Variants in PCDH9 observed in about 807,000 individuals in gnomAD.
The protein encoded by PCDH9 is protocadherin-9.
PCDH9 carries 24 observed loss-of-function variants against 70.6 expected under a neutral mutation model. The ratio of observed to expected loss-of-function variants is 0.34; its 90% CI spans 0.25 to 0.48. The LOEUF (loss-of-function observed/expected upper bound fraction) is 0.48, where lower values mean the gene tolerates loss of function less well. PCDH9 is among the 20% of genes least tolerant of loss of function. The pLI is 0.99. For missense variants in PCDH9, 1,281 were observed against 1,503.6 expected, an observed-to-expected ratio of 0.85 and a Z score of 2.45; for synonymous variants, 562 against 558.5, an observed-to-expected ratio of 1.01 and a Z score of -0.09.
intron 4 of PCDH9, among the ~76,000 whole-genome samples, chr13:66,420,059 A>T (rs1462086524): frequency 1.3e-5 from 2 of 152,182 alleles, no homozygotes; most frequent in East Asian, 3.9e-4. Context: ...GCCACAGGGA[A>T]ATTTGGACTG....
chr13:66,428,423 C>A (rs1006628233), intron 4 of PCDH9, among the ~76,000 whole-genome samples: 3 of 151,610 alleles, frequency 2.0e-5, no homozygotes, highest in African/African-American at 7.3e-5. Flanking sequence ...AGATGAAGGT[C>A]TTAGCAAGGG....
intron 2 of PCDH9, among the ~76,000 whole-genome samples, chr13:66,919,964 T>C (rs933434914): frequency 6.6e-6 from 1 of 151,058 alleles, no homozygotes. Context: ...ATGTTTTTTT[T>C]AACATCCTTA....
intron 2 of PCDH9, among the ~76,000 whole-genome samples, chr13:67,020,204 T>C (rs2084648512): frequency 6.6e-6 from 1 of 152,060 alleles, no homozygotes; most frequent in Non-Finnish European, 1.5e-5. Context: ...AAAAGCAAAA[T>C]AAACAACACA....
At chr13:66,852,890 C>T (rs2081337170) in intron 3 of PCDH9, among the ~76,000 whole-genome samples, 1 of 149,554 alleles carries the variant, frequency 6.7e-6, no homozygotes. Flanking sequence ...ATCCACATAT[C>T]TATACATTTT....
At chr13:67,109,806 A>AT (rs1274237082) in intron 2 of PCDH9, among the ~76,000 whole-genome samples, 1 of 152,134 alleles carries the variant, frequency 6.6e-6, no homozygotes, top group Non-Finnish European at 1.5e-5. Flanking sequence ...AGGACAAGCT[A>AT]TTTTTCATCT....
intron 2 of PCDH9, among the ~76,000 whole-genome samples, chr13:67,179,665 T>C (rs1594620290): frequency 6.6e-6 from 1 of 152,098 alleles, no homozygotes; most frequent in Non-Finnish European, 1.5e-5. Flanking sequence ...AAGCTAGCAA[T>C]AAGAGAAGTT....
chr13:66,738,031 C>G (rs2079184826), intron 3 of PCDH9, among the ~76,000 whole-genome samples: 1 of 152,196 alleles, frequency 6.6e-6, no homozygotes, highest in Non-Finnish European at 1.5e-5. Context: ...GTAGCCTCCA[C>G]CTCTGGGGGC....
chr13:66,941,761 C>T (rs1408000205), intron 2 of PCDH9, among the ~76,000 whole-genome samples: 1 of 151,752 alleles, frequency 6.6e-6, no homozygotes, highest in South Asian at 2.1e-4. Flanking sequence ...AACTAATAGA[C>T]CTGCAAATAA....
chr13:67,000,008 T>C (rs1337775203), intron 2 of PCDH9, among the ~76,000 whole-genome samples: 1 of 152,178 alleles, frequency 6.6e-6, no homozygotes, highest in Non-Finnish European at 1.5e-5. Context: ...CTATAAATCA[T>C]GCCGCTATAA....
intron 3 of PCDH9, among the ~76,000 whole-genome samples, chr13:66,788,850 A>G (rs1202783107): frequency 6.6e-6 from 1 of 152,040 alleles, no homozygotes; most frequent in African/African-American, 2.4e-5. Flanking sequence ...CCAGCAACAC[A>G]GGACTCAGGC....
At position 66,870,523 on chromosome 13, in the gene PCDH9, A is replaced by G. The variant is rs1255750056; in HGVS notation, c.3138+32981T>C. 2.6e-5 allele frequency among the ~76,000 whole-genome samples: 4 copies of G among 152,172 alleles called. No individual in the cohort carries two copies. The East Asian group carries it at 7.7e-4, about 29-fold the overall frequency. On this transcript the variant is annotated intron_variant, in intron 3 of 4. Transcript: ENST00000377865. ...GGCTAATATCCAGAATCTACAGTGA[A>G]CTCAAACAAATTTACAAGAAAAAAA...
chr13:66,504,080 C>G (rs1387292901), intron 4 of PCDH9, among the ~76,000 whole-genome samples: 1 of 152,146 alleles, frequency 6.6e-6, no homozygotes, highest in East Asian at 1.9e-4. Flanking sequence ...CACAACCACC[C>G]TTAATTCCCT....
chr13:66,370,792 G>A (rs1397119977), intron 4 of PCDH9, among the ~76,000 whole-genome samples: 1 of 152,024 alleles, frequency 6.6e-6, no homozygotes, highest in African/African-American at 2.4e-5. Context: ...GGGATTACAA[G>A]TATTAACCAC....
intron 3 of PCDH9, among the ~76,000 whole-genome samples, chr13:66,712,184 T>C (rs1411871253): frequency 6.6e-6 from 1 of 152,220 alleles, no homozygotes; most frequent in Admixed American, 6.5e-5. Context: ...CCTTGCATAT[T>C]TTAGGATTTC....
intron 3 of PCDH9, among the ~76,000 whole-genome samples, chr13:66,693,573 A>G (rs2078517974): frequency 6.6e-6 from 1 of 152,164 alleles, no homozygotes; most frequent in East Asian, 1.9e-4. Context: ...AGAGCTCTCT[A>G]TGGACAATTT....
chr13:67,127,789 C>A (rs932888483), intron 2 of PCDH9, among the ~76,000 whole-genome samples: 1 of 151,388 alleles, frequency 6.6e-6, no homozygotes, highest in Admixed American at 6.6e-5. Context: ...GTGTGGATAC[C>A]AGCAACTCAT....
intron 2 of PCDH9, among the ~76,000 whole-genome samples, chr13:67,161,425 T>G (rs2087955942): frequency 6.6e-6 from 1 of 152,210 alleles, no homozygotes; most frequent in Non-Finnish European, 1.5e-5. Flanking sequence ...TTAAAGCTTT[T>G]CAGTGACGGA....
intron 2 of PCDH9, among the ~76,000 whole-genome samples, chr13:67,178,613 G>A (rs2088528943): frequency 6.6e-6 from 1 of 151,986 alleles, no homozygotes; most frequent in Non-Finnish European, 1.5e-5. Context: ...CACATCCAAT[G>A]TTTTAAACTC....
intron 3 of PCDH9, among the ~76,000 whole-genome samples, chr13:66,737,768 G>A (rs972708008): frequency 1.2e-4 from 18 of 152,168 alleles, no homozygotes; most frequent in Admixed American, 3.9e-4. Context: ...ACTCCCACCC[G>A]AATATTGCGC....
Sources: allele counts gnomAD v4.1 joint callset (sites outside exome capture counted in the v4.1 genomes callset), GRCh38; gene constraint gnomAD v4.1.1; transcripts MANE v1.5; gene names NCBI Gene and HGNC (gene_info 2026-07-23, HGNC 2026-07-21).